Variants in ATP6V0D1 observed in about 807,000 individuals in gnomAD.
ATP6V0D1 encodes the protein V-type proton ATPase subunit d 1.
ATP6V0D1 carries 13 observed loss-of-function variants against 39.0 expected under a neutral mutation model. That is an observed-to-expected ratio of 0.33 (90% confidence interval 0.22 to 0.53). The LOEUF is 0.53. Ranked by LOEUF, ATP6V0D1 falls within the 20% of genes least tolerant of loss-of-function variation. The pLI is 0.94. For missense variants in ATP6V0D1, 272 were observed against 470.9 expected (o/e 0.58, Z 3.91); for synonymous variants, 191 against 191.2 (o/e 1.00, Z 0.01).
chr16:67,450,621 C>T (rs1320612448), intron 2 of ATP6V0D1, among the ~76,000 whole-genome samples: 2 of 152,074 alleles, frequency 1.3e-5, no homozygotes, highest in East Asian at 3.9e-4. Context: ...TAGCCAGGGC[C>T]TTGTGGTGGA....
intron 1 of ATP6V0D1, among the ~76,000 whole-genome samples, chr16:67,479,134 C>T (rs1456737184): frequency 6.6e-6 from 1 of 152,150 alleles, no homozygotes; most frequent in Non-Finnish European, 1.5e-5. Flanking sequence ...TTCCCCACCT[C>T]CACTCACATA....
chr16:67,442,779 C>A (rs1047240474), intron 4 of ATP6V0D1, among the ~76,000 whole-genome samples: 1 of 152,152 alleles, frequency 6.6e-6, no homozygotes. Flanking sequence ...CCAGGGGCCA[C>A]GGCCTGGGTG....
At position 67,453,395 on chromosome 16, in the gene ATP6V0D1, C is replaced by T. The variant is rs1400879364; in HGVS notation, c.302+149G>A. The T allele has an allele frequency of 1.1e-6, 1 of 927,682 alleles. No homozygotes were observed. Among genetic ancestry groups the T allele is most frequent in the Non-Finnish European group, 1.6e-6 (1 of 610,750 alleles). The allele number at this position is 927,682 out of a possible 1,614,324, so 57.5% of individuals were successfully genotyped here. A position where few individuals can be genotyped will look rare whatever the true frequency, so the allele number is the denominator to read the frequency against. On this transcript the variant is annotated intron_variant, in intron 2 of 7. Transcript: ENST00000290949. The surrounding 1 kb of genome is among the most constrained non-coding windows in gnomAD (Gnocchi z 4.1). ...CAGGGAGGACTCTGAAGGTAGGGTC[C>T]TGGGACACCTGGCCTGACAGAGCTG...
intron 1 of ATP6V0D1, among the ~76,000 whole-genome samples, chr16:67,466,081 C>T (rs574440817): frequency 4.9e-4 from 75 of 152,128 alleles, no homozygotes; most frequent in Non-Finnish European, 8.5e-4. Context: ...CACATCCCTC[C>T]AATTTAATCA....
intron 1 of ATP6V0D1, chr16:67,457,556 C>T: frequency 1.6e-6 from 2 of 1,289,008 alleles, no homozygotes; most frequent in African/African-American, 1.5e-5. Context: ...TGAACACTCA[C>T]TGCTCACCTG....
chr16:67,468,556 C>T (rs542006599), intron 1 of ATP6V0D1, among the ~76,000 whole-genome samples: 10 of 148,988 alleles, frequency 6.7e-5, no homozygotes, highest in Admixed American at 5.4e-4. Context: ...TCACTGTACT[C>T]CAGCCTGGGC....
chr16:67,474,417 G>A (rs763442504), intron 1 of ATP6V0D1, among the ~76,000 whole-genome samples: 9 of 152,296 alleles, frequency 5.9e-5, no homozygotes, highest in Admixed American at 1.3e-4. Context: ...CATCCACTGC[G>A]GTCACCTTCT....
At chr16:67,466,413 C>CTAG (rs2041331464) in intron 1 of ATP6V0D1, among the ~76,000 whole-genome samples, 1 of 150,830 alleles carries the variant, frequency 6.6e-6, no homozygotes. Context: ...GCCTGTAATC[C>CTAG]TAGTACTCAG....
intron 3 of ATP6V0D1, chr16:67,443,553 A>G (rs1024179346): frequency 8.9e-6 from 2 of 224,138 alleles, no homozygotes; most frequent in African/African-American, 4.4e-5. Context: ...CTACTTCTCT[A>G]CACCTCCCAG....
intron 4 of ATP6V0D1, chr16:67,439,618 A>C: frequency 3.9e-6 from 2 of 513,068 alleles, no homozygotes; most frequent in Non-Finnish European, 7.0e-6. Flanking sequence ...AGTCTCCTTC[A>C]CCCCCTCACC....
chr16:67,462,536 T>C, intron 1 of ATP6V0D1, among the ~76,000 whole-genome samples: 1 of 152,226 alleles, frequency 6.6e-6, no homozygotes, highest in Non-Finnish European at 1.5e-5. Flanking sequence ...GCTCAAAAGC[T>C]GGCCGAGGCT....
chr16:67,452,389 C>G, intron 2 of ATP6V0D1: 1 of 1,535,612 alleles, frequency 6.5e-7, no homozygotes, highest in Non-Finnish European at 8.7e-7. Context: ...GGCTGCAGCA[C>G]TTCTTGAGCA....
chr16:67,471,865 C>T (rs968940982), intron 1 of ATP6V0D1, among the ~76,000 whole-genome samples: 6 of 152,014 alleles, frequency 3.9e-5, no homozygotes, highest in African/African-American at 1.4e-4. Context: ...TGGCCTCAAA[C>T]TCCTGGGCTC....
intron 4 of ATP6V0D1, chr16:67,441,853 T>C (rs1214883557): frequency 6.6e-6 from 1 of 152,260 alleles, no homozygotes. Context: ...GGCCCTCTAA[T>C]CTGCTCTCCA....
chr16:67,452,343 C>A (rs1346311651), intron 2 of ATP6V0D1: 4 of 1,535,724 alleles, frequency 2.6e-6, no homozygotes, highest in East Asian at 2.4e-5. Flanking sequence ...TTCAGGTGTC[C>A]CAGCCTCTGA....
intron 3 of ATP6V0D1, among the ~76,000 whole-genome samples, chr16:67,443,863 A>T (rs921417969): frequency 1.3e-5 from 2 of 152,230 alleles, no homozygotes; most frequent in African/African-American, 4.8e-5. Flanking sequence ...AACCCAGTGC[A>T]GCTTAGAGCC....
chr16:67,470,992 T>C (rs955213772), intron 1 of ATP6V0D1, among the ~76,000 whole-genome samples: 4 of 152,226 alleles, frequency 2.6e-5, no homozygotes, highest in Non-Finnish European at 4.4e-5. Context: ...CAAGAGCAGC[T>C]AGCAAGTGTC....
chr16:67,467,662 C>T (rs889006299), intron 1 of ATP6V0D1, among the ~76,000 whole-genome samples: 3 of 152,148 alleles, frequency 2.0e-5, no homozygotes, highest in Admixed American at 6.5e-5. Context: ...CACAGCTGTC[C>T]GGAAGGGAGC....
At position 67,463,124 on chromosome 16, in the gene ATP6V0D1, T is replaced by C. The variant is rs146083350; in HGVS notation, c.131-9409A>G. On this transcript the variant is annotated intron_variant, in intron 1 of 7. Coordinates refer to ENST00000290949, the MANE Select transcript of ATP6V0D1 (RefSeq NM_004691.5). The stretch of plus-strand genomic sequence containing the variant: ...CAGCCCAAAGGAGAAAAGTAGGAAA[T>C]ACTCATTTTGCTTTGACCTAGGCCC... 3.7e-3 allele frequency among the ~76,000 whole-genome samples: 564 copies of C among 152,224 alleles called. 7 individuals carry two copies. Among genetic ancestry groups the C allele is most frequent in the African/African-American group, 0.013 (525 of 41,540 alleles).
Sources: gnomAD v4.1 joint callset for allele counts (sites outside exome capture counted in the v4.1 genomes callset) on GRCh38, gnomAD v4.1.1 for gene constraint, Gnocchi (gnomAD v3.1) non-coding constraint, MANE v1.5 for transcripts, NCBI Gene and HGNC (gene_info 2026-07-23, HGNC 2026-07-21) for gene names.